RAPGEF4: variants seen among roughly 807,000 people sequenced by gnomAD.
The protein encoded by RAPGEF4 is RAP guanine-nucleotide-exchange factor (GEF) 4.
Under a neutral mutation model 147.9 loss-of-function variants are expected in RAPGEF4, and 66 were observed. That is an observed-to-expected ratio of 0.45 (90% CI 0.37 to 0.55). The LOEUF is 0.55. Among genes scored for constraint, RAPGEF4 ranks in the 20% least tolerant of loss-of-function variants. The pLI, the probability that RAPGEF4 is intolerant of heterozygous loss-of-function variation, is 0.00. For missense variants in RAPGEF4, 1,071 were observed against 1,257.3 expected, an observed-to-expected ratio of 0.85 and a Z score of 2.24; for synonymous variants, 419 against 442.7, an observed-to-expected ratio of 0.95 and a Z score of 0.67.
intron 4 of RAPGEF4, among the ~76,000 whole-genome samples, chr2:172,873,058 C>G (rs1374651555): frequency 6.6e-6 from 1 of 152,166 alleles, no homozygotes. Flanking sequence ...GGGAATCAGA[C>G]TCCTTAATTG....
chr2:172,901,796 C>G (rs1012126575), intron 4 of RAPGEF4, among the ~76,000 whole-genome samples: 1 of 152,188 alleles, frequency 6.6e-6, no homozygotes, highest in Admixed American at 6.5e-5. Context: ...CTTCCCATGT[C>G]CCAGGCAAGT....
chr2:172,988,626 G>T, intron 13 of RAPGEF4, 67 bp from the exon 14 acceptor site: 1 of 1,503,206 alleles, frequency 6.7e-7, no homozygotes, highest in Non-Finnish European at 9.1e-7. Flanking sequence ...GGGTCTTGTG[G>T]CAGGAGGTGG....
chr2:172,737,792 A>T (rs1479642084), intron 1 of RAPGEF4, among the ~76,000 whole-genome samples: 1 of 152,012 alleles, frequency 6.6e-6, no homozygotes, highest in Non-Finnish European at 1.5e-5. Context: ...TAAGGGTTTT[A>T]GGCACAGAGC....
intron 28 of RAPGEF4, 83 bp downstream of exon 28, chr2:173,036,295 C>A: frequency 9.1e-7 from 1 of 1,104,678 alleles, no homozygotes; most frequent in Non-Finnish European, 1.4e-6. Flanking sequence ...AGATTGATTA[C>A]TTAGGGAAGA....
At chr2:173,048,468 C>A in intron 29 of RAPGEF4, 132 bp from the exon 30 acceptor site, 1 of 1,452,030 alleles carries the variant, frequency 6.9e-7, no homozygotes, top group Admixed American at 2.6e-5. Context: ...TAGTTGCCTT[C>A]AGATAGTCAA....
chr2:172,736,089 G>T, intron 1 of RAPGEF4, 41 bp downstream of exon 1: 2 of 1,419,808 alleles, frequency 1.4e-6, no homozygotes, highest in Non-Finnish European at 1.9e-6. Flanking sequence ...GAGCTCTGCG[G>T]TGCTGCCCGG....
intron 4 of RAPGEF4, among the ~76,000 whole-genome samples, chr2:172,874,187 C>G (rs988284294): frequency 1.3e-5 from 2 of 152,146 alleles, no homozygotes; most frequent in African/African-American, 4.8e-5. Flanking sequence ...ACCCAGCAAT[C>G]CCATTACTGG....
chr2:172,909,621 A>G (rs1023607161), intron 4 of RAPGEF4, among the ~76,000 whole-genome samples: 40 of 152,146 alleles, frequency 2.6e-4, no homozygotes, highest in Non-Finnish European at 7.3e-5. Flanking sequence ...TGGGGGCCAC[A>G]TAAAGACCTG....
chr2:173,029,740 G>C (rs1182935759), intron 25 of RAPGEF4, among the ~76,000 whole-genome samples: 1 of 152,178 alleles, frequency 6.6e-6, no homozygotes, highest in Non-Finnish European at 1.5e-5. Flanking sequence ...GCAGCTGTGA[G>C]ACTCCCTTAG....
chr2:172,748,541 G>A, intron 1 of RAPGEF4, among the ~76,000 whole-genome samples: 1 of 152,112 alleles, frequency 6.6e-6, no homozygotes, highest in Non-Finnish European at 1.5e-5. Flanking sequence ...CTGCCCCCAT[G>A]ATTCAGTTAT....
chr2:172,962,361 C>G (rs796416899), intron 8 of RAPGEF4, among the ~76,000 whole-genome samples: 2 of 152,244 alleles, frequency 1.3e-5, no homozygotes, highest in Admixed American at 6.5e-5. Context: ...AACTAGAATA[C>G]AAATTTCAAA....
chr2:172,984,371 G>A (rs1692009117), intron 11 of RAPGEF4, among the ~76,000 whole-genome samples: 1 of 152,162 alleles, frequency 6.6e-6, no homozygotes, highest in African/African-American at 2.4e-5. Context: ...AGCAGTACCT[G>A]CCAGTCCCTG....
At chr2:172,819,655 C>A (rs1688875797) in intron 4 of RAPGEF4, among the ~76,000 whole-genome samples, 2 of 151,212 alleles carry the variant, frequency 1.3e-5, no homozygotes, top group Middle Eastern at 3.5e-3. Context: ...TTAGTAGAGA[C>A]GGGGTTTCAC....
At chr2:172,981,827 AT>A (rs1483220394) in intron 10 of RAPGEF4, among the ~76,000 whole-genome samples, 1 of 152,234 alleles carries the variant, frequency 6.6e-6, no homozygotes, top group Non-Finnish European at 1.5e-5. Context: ...AATATTCATA[AT>A]TCAGTTTTGA....
At chr2:172,827,523 A>G (rs1689801488) in intron 4 of RAPGEF4, among the ~76,000 whole-genome samples, 1 of 151,988 alleles carries the variant, frequency 6.6e-6, no homozygotes, top group Non-Finnish European at 1.5e-5. Context: ...CACCATTCTC[A>G]GTGACCTCCC....
intron 1 of RAPGEF4, among the ~76,000 whole-genome samples, chr2:172,758,669 A>C (rs891992137): frequency 6.6e-6 from 1 of 152,178 alleles, no homozygotes; most frequent in Non-Finnish European, 1.5e-5. Context: ...AGTCAAGGAT[A>C]ATTCTAAGCA....
At chr2:172,891,904 G>T (rs184620092) in intron 4 of RAPGEF4, among the ~76,000 whole-genome samples, 273 of 152,310 alleles carry the variant, frequency 1.8e-3, no homozygotes, top group African/African-American at 6.3e-3. Context: ...CATTATCAAA[G>T]CCCAAGAGAG....
rs556318406 is a variant in RAPGEF4 at position 173,023,572 on chromosome 2, G to A, written c.2253+2857G>A. On this transcript the variant is annotated intron_variant, in intron 23 of 30. Transcript: ENST00000397081. The stretch of plus-strand genomic sequence containing the variant: ...CATGGAAGGGGTCAACCTGCCCTAC[G>A]CCGGGAGAGAGACTTGGTGAGCCCT... Among the ~76,000 whole-genome samples, 11 of 152,266 alleles carry A rather than the reference G, an allele frequency of 7.2e-5. No homozygotes were observed. The South Asian group carries it at 1.9e-3, about 26-fold the overall frequency.
intron 24 of RAPGEF4, 39 bp from the exon 25 acceptor site, chr2:173,027,042 A>T (rs777904358): frequency 6.3e-5 from 86 of 1,364,854 alleles, no homozygotes; most frequent in African/African-American, 7.4e-5. Context: ...GTTTTGATTT[A>T]AAAAAAAATA....
Sources: allele counts gnomAD v4.1 joint callset (sites outside exome capture counted in the v4.1 genomes callset), GRCh38; gene constraint gnomAD v4.1.1; transcripts MANE v1.5; gene names NCBI Gene and HGNC (gene_info 2026-07-23, HGNC 2026-07-21).